The following ANK3 variants were observed in gnomAD, a reference collection of about 807,000 sequenced individuals.
ANK3 encodes the protein ankyrin 3.
ANK3 carries 57 observed loss-of-function variants against 370.9 expected under a neutral mutation model. That is an observed-to-expected ratio of 0.15 (90% CI 0.12 to 0.19). ANK3 has a LOEUF of 0.19. ANK3 is among the 10% of genes least tolerant of loss of function. The probability of loss-of-function intolerance (pLI) is 1.00; values close to 1 mark genes in which losing one functional copy is unlikely to be tolerated. For synonymous variants in ANK3, 1,929 were observed against 1,946.3 expected, an observed-to-expected ratio of 0.99 and a Z score of 0.23; for missense variants, 4,439 against 5,302.1, an observed-to-expected ratio of 0.84 and a Z score of 5.06.
At chr10:60,101,745 T>C (rs943915456) in intron 28 of ANK3, among the ~76,000 whole-genome samples, 1 of 152,234 alleles carries the variant, frequency 6.6e-6, no homozygotes, top group Non-Finnish European at 1.5e-5. Flanking sequence ...GTCCCTGGGC[T>C]TGCTGGTGAT....
intron 1 of ANK3, among the ~76,000 whole-genome samples, chr10:60,730,216 G>A (rs1228620702): frequency 1.3e-5 from 2 of 152,066 alleles, no homozygotes; most frequent in East Asian, 1.9e-4. Context: ...GGAGTGCAGT[G>A]GCATGAGTAT....
intron 2 of ANK3, among the ~76,000 whole-genome samples, chr10:60,469,852 G>T (rs998095270): frequency 6.6e-6 from 1 of 151,048 alleles, no homozygotes; most frequent in South Asian, 2.1e-4. Context: ...AAATGAATCC[G>T]TGCCAATGAA....
In ANK3 at chr10:60,211,830, G is replaced by A. The variant is rs1371885957; in HGVS notation, c.996+1582C>T. On this transcript the variant is annotated intron_variant, in intron 9 of 43. Transcript: ENST00000280772. ...CACTCTTTAGAGCTGCCACTCACAT[G>A]TTTGTGCCTGACACAATTAGGTACA... is the stretch of plus-strand genomic sequence containing the variant. Among the ~76,000 whole-genome samples the A allele has an allele frequency of 3.8e-5, 5 of 131,516 alleles. No individual in the cohort carries two copies. The Admixed American group carries it at 4.5e-4, about 12-fold the overall frequency. 86.3% of individuals were successfully genotyped at this position (131,516 alleles called of 152,430 possible).
chr10:60,316,096 G>C (rs1331277237), intron 1 of ANK3, among the ~76,000 whole-genome samples: 6 of 152,120 alleles, frequency 3.9e-5, no homozygotes, highest in African/African-American at 1.2e-4. Flanking sequence ...CTGTGCCACA[G>C]CTTCTGTGGA....
chr10:60,638,627 T>C lies in ANK3; in HGVS notation c.58-23403A>G, dbSNP rs1322026420. ...GTTAACAAAGTTATTTAAAATATTA[T>C]AAATATTCTCAAGCCTATAAAGGAA... On this transcript the variant is annotated intron_variant, in intron 1 of 43. Transcript: ENST00000373827. Among the ~76,000 whole-genome samples, 3 of 152,040 alleles carry C rather than the reference T, an allele frequency of 2.0e-5. No homozygotes were observed. The East Asian group carries it at 5.8e-4, about 29-fold the overall frequency.
chr10:60,381,798 A>T (rs1413462140), intron 1 of ANK3, among the ~76,000 whole-genome samples: 2 of 152,166 alleles, frequency 1.3e-5, no homozygotes, highest in Non-Finnish European at 2.9e-5. Flanking sequence ...CTATTTGATC[A>T]ATGTGCAAAC....
chr10:60,364,157 G>A (rs866298396), intron 1 of ANK3, among the ~76,000 whole-genome samples: 1 of 151,652 alleles, frequency 6.6e-6, no homozygotes, highest in Non-Finnish European at 1.5e-5. Context: ...AGCCGGGCAT[G>A]GTGGTGGGTG....
chr10:60,685,206 A>G, intron 1 of ANK3: 1 of 393,342 alleles, frequency 2.5e-6, no homozygotes, highest in Non-Finnish European at 4.9e-6. Flanking sequence ...GTATTGTTCA[A>G]TGATCAGATG....
At chr10:60,717,772 G>A (rs948489562) in intron 1 of ANK3, among the ~76,000 whole-genome samples, 1 of 152,176 alleles carries the variant, frequency 6.6e-6, no homozygotes, top group African/African-American at 2.4e-5. Flanking sequence ...AGGTTTGAAA[G>A]TTACCAAGAG....
intron 2 of ANK3, among the ~76,000 whole-genome samples, chr10:60,548,026 T>C (rs1335345101): frequency 6.6e-6 from 1 of 152,076 alleles, no homozygotes; most frequent in Non-Finnish European, 1.5e-5. Context: ...ATAAGCACCA[T>C]TTGCTCTGAG....
At chr10:60,564,125 A>G (rs1352413966) in intron 2 of ANK3, among the ~76,000 whole-genome samples, 3 of 152,242 alleles carry the variant, frequency 2.0e-5, no homozygotes, top group Non-Finnish European at 4.4e-5. Flanking sequence ...TGCACAAGAC[A>G]TTGAATCATT....
chr10:60,072,576 TCTG>T lies in ANK3; in HGVS notation c.8302_8304del (p.Gln2768del). ...CTTTCATCTGGGAGGTCTATGGCCT[TCTG>T]CTGTTTTTCTCTAGCAAAAACTTGG... is the stretch of plus-strand genomic sequence containing the variant. On this transcript the variant is annotated inframe_deletion, in exon 37 of 44. Transcript: ENST00000280772. 6.2e-7 allele frequency: 1 copy of T among 1,613,544 alleles called. No homozygotes were observed. The highest frequency in any genetic ancestry group is 8.5e-7 in the Non-Finnish European group (1 of 1,179,878).
chr10:60,137,067 C>T (rs1418775441), intron 24 of ANK3, among the ~76,000 whole-genome samples: 1 of 152,026 alleles, frequency 6.6e-6, no homozygotes, highest in African/African-American at 2.4e-5. Flanking sequence ...AGTGAAATTC[C>T]TTTAATTACT....
chr10:60,521,395 G>A (rs2076343852), intron 2 of ANK3, among the ~76,000 whole-genome samples: 2 of 152,088 alleles, frequency 1.3e-5, no homozygotes, highest in Non-Finnish European at 2.9e-5. Context: ...CTACCTAGAA[G>A]CTATTAGCTA....
chr10:60,105,996 A>T lies in ANK3; in HGVS notation c.3237T>A (p.Val1079=). The part of the protein sequence containing the change: ...SMRGKERELI[V]LRSENGETWK... ...AAGTTTCACCATTTTCACTTCGAAGAACAATGAGTTCTCTCTCTTTTCCTC... is the reference window on the plus strand; with the variant it reads ...AAGTTTCACCATTTTCACTTCGAAGTACAATGAGTTCTCTCTCTTTTCCTC... Residue 1079 remains valine, a synonymous_variant, in exon 28 of 44, where the codon GTT becomes GTA. Transcript: ENST00000280772. 1 of 1,612,834 alleles carries T rather than the reference A, an allele frequency of 6.2e-7. No homozygotes were observed. Among genetic ancestry groups the T allele is most frequent in the Non-Finnish European group, 8.5e-7 (1 of 1,179,404 alleles).
chr10:60,055,386 C>T (rs2078969353), intron 42 of ANK3, among the ~76,000 whole-genome samples: 1 of 152,170 alleles, frequency 6.6e-6, no homozygotes, highest in Admixed American at 6.5e-5. Flanking sequence ...CTTGTCCCTC[C>T]TAAAAATGGC....
intron 8 of ANK3, among the ~76,000 whole-genome samples, chr10:60,219,928 T>C (rs1011433377): frequency 1.6e-4 from 25 of 152,348 alleles, no homozygotes; most frequent in Non-Finnish European, 3.2e-4. Flanking sequence ...ATGGCCTAAT[T>C]TGAACATTCT....
chr10:60,477,508 G>GAC (rs1279888980), intron 2 of ANK3, among the ~76,000 whole-genome samples: 2 of 116,472 alleles, frequency 1.7e-5, no homozygotes, highest in South Asian at 5.7e-4. Context: ...CTGACAGACA[G>GAC]ACAGACATAC....
intron 2 of ANK3, among the ~76,000 whole-genome samples, chr10:60,575,656 T>A (rs1180429536): frequency 6.6e-6 from 1 of 152,132 alleles, no homozygotes; most frequent in Non-Finnish European, 1.5e-5. Flanking sequence ...AAGAATTACA[T>A]CTCTGAAACT....
Sources: allele counts gnomAD v4.1 joint callset (sites outside exome capture counted in the v4.1 genomes callset), GRCh38; gene constraint gnomAD v4.1.1; transcripts MANE v1.5; gene names NCBI Gene and HGNC (gene_info 2026-07-23, HGNC 2026-07-21).